The following CDYL2 variants were observed in gnomAD, a reference collection of about 807,000 sequenced individuals.
CDYL2 encodes the protein chromodomain Y-like protein 2.
A neutral mutation model predicts 49.4 loss-of-function variants in CDYL2; 23 were observed. That is an observed-to-expected ratio of 0.47 (90% CI 0.34 to 0.66). The LOEUF (loss-of-function observed/expected upper bound fraction) is 0.66, where lower values mean the gene tolerates loss of function less well. CDYL2 is among the 30% of genes least tolerant of loss of function. The pLI is 0.01. For missense variants in CDYL2, 678 were observed against 656.4 expected (o/e 1.03, Z -0.36); for synonymous variants, 360 against 268.8 (o/e 1.34, Z -3.32).
At chr16:80,744,365 T>C (rs1192217723) in intron 1 of CDYL2, among the ~76,000 whole-genome samples, 1 of 152,170 alleles carries the variant, frequency 6.6e-6, no homozygotes, top group African/African-American at 2.4e-5. Flanking sequence ...AGAGATTTCT[T>C]TCCCCTTCAC....
chr16:80,760,560 A>C (rs911258085), intron 1 of CDYL2, among the ~76,000 whole-genome samples: 1 of 152,220 alleles, frequency 6.6e-6, no homozygotes, highest in Admixed American at 6.5e-5. Context: ...TAATGATTAC[A>C]CATTGCATGC....
chr16:80,717,002 A>C (rs1904827011), intron 1 of CDYL2, among the ~76,000 whole-genome samples: 1 of 140,438 alleles, frequency 7.1e-6, no homozygotes, highest in Non-Finnish European at 1.5e-5. Flanking sequence ...GGATGATTCA[A>C]TTGATGGATG....
At chr16:80,662,321 G>T (rs1270244098) in intron 2 of CDYL2, among the ~76,000 whole-genome samples, 1 of 152,182 alleles carries the variant, frequency 6.6e-6, no homozygotes, top group Non-Finnish European at 1.5e-5. Context: ...GAACACAGAA[G>T]GAAGTTAGTG....
chr16:80,743,146 T>G (rs891012524), intron 1 of CDYL2, among the ~76,000 whole-genome samples: 2 of 152,296 alleles, frequency 1.3e-5, no homozygotes, highest in Admixed American at 1.3e-4. Context: ...TCCACTTACA[T>G]GTATTGAACA....
At chr16:80,779,276 G>T (rs1015726053) in intron 1 of CDYL2, among the ~76,000 whole-genome samples, 1 of 151,964 alleles carries the variant, frequency 6.6e-6, no homozygotes, top group Non-Finnish European at 1.5e-5. Flanking sequence ...TGACAGACAA[G>T]AATTAAACCC....
In CDYL2 at chr16:80,754,911, C is replaced by G. The variant is rs568512388; in HGVS notation, c.24+49239G>C. On this transcript the variant is annotated intron_variant, in intron 1 of 6. Transcript: ENST00000570137. ...ATGGGAAGGTAGACATTTGCTGTTT[C>G]AATGAGATGCCCCCATGATTTACGA... 3.3e-5 allele frequency among the ~76,000 whole-genome samples: 5 copies of G among 152,212 alleles called. No homozygotes were observed. In the South Asian group the frequency reaches 1.0e-3, roughly 32 times the overall value.
chr16:80,664,986 T>C (rs1192919929), intron 2 of CDYL2, among the ~76,000 whole-genome samples: 1 of 152,168 alleles, frequency 6.6e-6, no homozygotes, highest in Non-Finnish European at 1.5e-5. Context: ...TTGTTTGTTT[T>C]CTTCCCTAAA....
intron 1 of CDYL2, among the ~76,000 whole-genome samples, chr16:80,705,012 G>A (rs983785302): frequency 6.6e-6 from 1 of 152,192 alleles, no homozygotes; most frequent in South Asian, 2.1e-4. Context: ...ACCTCACTAG[G>A]TGAGTTCCTC....
chr16:80,633,780 T>A lies in CDYL2; in HGVS notation c.617-544A>T, dbSNP rs572323172. Among the ~76,000 whole-genome samples, 5 of 152,314 alleles carry A rather than the reference T, an allele frequency of 3.3e-5. No individual in the cohort carries two copies. In the South Asian group the frequency reaches 1.0e-3, roughly 32 times the overall value. ...AGGGGTGAATACCAAGCAGGCAGTA[T>A]CCTTAGGTCTCTCTCTTCCTCTCGC... is the stretch of plus-strand genomic sequence containing the variant. On this transcript the variant is annotated intron_variant, in intron 2 of 6. Coordinates refer to ENST00000570137, the MANE Select transcript of CDYL2 (RefSeq NM_152342.4).
chr16:80,704,316 C>T (rs1386009445), intron 1 of CDYL2, among the ~76,000 whole-genome samples: 2 of 152,216 alleles, frequency 1.3e-5, no homozygotes, highest in African/African-American at 2.4e-5. Flanking sequence ...CAGGCAGCCA[C>T]AGCTATTCTC....
At chr16:80,783,877 T>C (rs775631683) in intron 1 of CDYL2, among the ~76,000 whole-genome samples, 1 of 152,088 alleles carries the variant, frequency 6.6e-6, no homozygotes, top group South Asian at 2.1e-4. Context: ...AGAAAACAGA[T>C]GAATGAGTGC....
At chr16:80,664,029 CTATTA>C in intron 2 of CDYL2, among the ~76,000 whole-genome samples, 1 of 41,014 alleles carries the variant, frequency 2.4e-5, no homozygotes, top group African/African-American at 5.8e-4. Context: ...TCCAAAAGCT[CTATTA>C]TGCCAGGATC....
chr16:80,718,486 A>T (rs1904886534), intron 1 of CDYL2, among the ~76,000 whole-genome samples: 1 of 152,192 alleles, frequency 6.6e-6, no homozygotes, highest in Non-Finnish European at 1.5e-5. Context: ...AAGAGCCAAA[A>T]GTTGAACCCA....
At position 80,603,316 on chromosome 16, in the gene CDYL2, A is replaced by G. The variant is rs1408089471; in HGVS notation, c.*1072T>C. 6.6e-6 allele frequency: 1 copy of G among 152,180 alleles called. No homozygotes were observed. The highest frequency in any genetic ancestry group is 1.5e-5 in the Non-Finnish European group (1 of 68,048). 9.4% of individuals were successfully genotyped at this position (152,180 alleles called of 1,614,324 possible). A position where few individuals can be genotyped will look rare whatever the true frequency, so the allele number is the denominator to read the frequency against. ...GGGCCTATCCCCACTCCTGCCCAAC[A>G]TCACGCAATTTGGGACTGGGTCTGT... On this transcript the variant is annotated 3_prime_UTR_variant, in exon 7 of 7. Transcript: ENST00000570137.
chr16:80,684,823 G>T lies in CDYL2; in HGVS notation c.331C>A (p.Pro111Thr), dbSNP rs1281227556. 6.2e-7 allele frequency: 1 copy of T among 1,614,146 alleles called. No individual in the cohort carries two copies. Among genetic ancestry groups the T allele is most frequent in the Admixed American group, 1.7e-5 (1 of 60,024 alleles). The change falls in exon 2 of 7, where the codon CCT becomes ACT. Residue 111 changes from proline (P) to threonine (T), a missense_variant. Around this residue, in one of 3 missense-constraint regions of CDYL2, gnomAD observed 478 missense variants for 427.0 expected, o/e 1.12. Transcript: ENST00000570137. Reference sequence around the variant, plus strand: ...CCTTTTTTTGGCTTGGCCAGGGGAGGGTTAATTCGCTTCCGTTTATGGGAG... The same window carrying T: ...CCTTTTTTTGGCTTGGCCAGGGGAGTGTTAATTCGCTTCCGTTTATGGGAG... Reference protein sequence around the residue: ...GTSHKRKRINPPLAKPKKGYS... With the variant: ...GTSHKRKRINTPLAKPKKGYS...
At chr16:80,721,360 AC>A (rs1179546368) in intron 1 of CDYL2, among the ~76,000 whole-genome samples, 4 of 152,200 alleles carry the variant, frequency 2.6e-5, no homozygotes, top group African/African-American at 9.6e-5. Context: ...CATGTAGCAA[AC>A]ACACGCTGGG....
intron 2 of CDYL2, among the ~76,000 whole-genome samples, chr16:80,657,317 G>C (rs1006613189): frequency 6.6e-6 from 1 of 152,206 alleles, no homozygotes; most frequent in Non-Finnish European, 1.5e-5. Context: ...AACAAGGACA[G>C]TGAATAGCAT....
At chr16:80,702,218 A>ACACACACACACACACACAC (rs397797316) in intron 1 of CDYL2, among the ~76,000 whole-genome samples, 5 of 151,496 alleles carry the variant, frequency 3.3e-5, no homozygotes, top group African/African-American at 1.2e-4. Flanking sequence ...ACACACACAC[A>ACACACACACACACACACAC]AAACTATAAA....
At chr16:80,655,892 C>T (rs1908787953) in intron 2 of CDYL2, among the ~76,000 whole-genome samples, 1 of 152,122 alleles carries the variant, frequency 6.6e-6, no homozygotes, top group Non-Finnish European at 1.5e-5. Context: ...TCATGCTTCC[C>T]GAGTGACAGC....
Sources: allele counts gnomAD v4.1 joint callset (sites outside exome capture counted in the v4.1 genomes callset), GRCh38; gene constraint gnomAD v4.1.1; regional missense constraint gnomAD v4.1.1; transcripts MANE v1.5; gene names NCBI Gene and HGNC (gene_info 2026-07-23, HGNC 2026-07-21).